The following RALY variants were observed in gnomAD, a reference collection of about 807,000 sequenced individuals.
RALY encodes the protein RNA-binding protein Raly.
In RALY, 15 loss-of-function variants were observed where a neutral mutation model predicts 30.7. That is an observed-to-expected ratio of 0.49 (90% CI 0.33 to 0.75). RALY has a LOEUF of 0.75. Ranked by LOEUF, RALY falls within the 30% of genes least tolerant of loss-of-function variation. The pLI is 0.02. For synonymous variants in RALY, 177 were observed against 170.8 expected, an observed-to-expected ratio of 1.04 and a Z score of -0.28; for missense variants, 339 against 414.3, an observed-to-expected ratio of 0.82 and a Z score of 1.58.
At chr20:34,026,028 A>ATAC (rs1417322828) in intron 1 of RALY, among the ~76,000 whole-genome samples, 1 of 151,178 alleles carries the variant, frequency 6.6e-6, no homozygotes, top group African/African-American at 2.4e-5. Context: ...AAGGAACGAT[A>ATAC]TACTCCCAAG....
intron 2 of RALY, among the ~76,000 whole-genome samples, chr20:34,058,737 T>C (rs1254949149): frequency 6.6e-6 from 1 of 152,238 alleles, no homozygotes; most frequent in African/African-American, 2.4e-5. Context: ...GTGCTGATCC[T>C]GGATTTAAAC....
intron 5 of RALY, 110 bp from the exon 6 acceptor site, chr20:34,075,764 G>A (rs1467489062): frequency 2.4e-6 from 3 of 1,250,996 alleles, no homozygotes; most frequent in Non-Finnish European, 2.2e-6. Context: ...GAGGTGTGTA[G>A]TGCAGGCCTC....
At chr20:34,024,234 G>T (rs928520126) in intron 1 of RALY, among the ~76,000 whole-genome samples, 1 of 152,162 alleles carries the variant, frequency 6.6e-6, no homozygotes, top group Non-Finnish European at 1.5e-5. Flanking sequence ...GCAGTGTCTG[G>T]TCGGAGCTTT....
At chr20:34,024,371 T>TA (rs1351515080) in intron 1 of RALY, among the ~76,000 whole-genome samples, 7 of 152,194 alleles carry the variant, frequency 4.6e-5, no homozygotes, top group Non-Finnish European at 1.0e-4. Flanking sequence ...CCTCCCTTGA[T>TA]AATTCCTGCA....
rs560352895 is a variant in RALY at position 34,006,931 on chromosome 20, G to T, written c.-93+12800G>T. ...CCCCCATTATTTGTTGAAGAAGCTG[G>T]ATGTTTTTTTCTATAGATTTTTCCA... is the stretch of plus-strand genomic sequence containing the variant. On this transcript the variant is annotated intron_variant, in intron 1 of 9. Coordinates refer to ENST00000246194, the MANE Select transcript of RALY (RefSeq NM_016732.3). 2.6e-5 allele frequency among the ~76,000 whole-genome samples: 4 copies of T among 152,204 alleles called. No homozygotes were observed. In the South Asian group the frequency reaches 8.3e-4, roughly 32 times the overall value.
At chr20:34,034,836 G>A (rs1260334532) in intron 2 of RALY, among the ~76,000 whole-genome samples, 1 of 152,140 alleles carries the variant, frequency 6.6e-6, no homozygotes, top group African/African-American at 2.4e-5. Flanking sequence ...GACTGAAAGG[G>A]GAGGGGTGAA....
At chr20:34,077,405 C>G in intron 8 of RALY, 160 bp downstream of exon 8, 1 of 1,479,088 alleles carries the variant, frequency 6.8e-7, no homozygotes. Context: ...GAAGAATGAG[C>G]AGGGGGCACT....
intron 1 of RALY, among the ~76,000 whole-genome samples, chr20:34,009,863 A>G (rs994478000): frequency 2.0e-5 from 3 of 152,078 alleles, no homozygotes; most frequent in Admixed American, 1.3e-4. Flanking sequence ...TTTTTTGGGA[A>G]ACACTTGGTC....
chr20:34,041,984 A>G (rs150103428), intron 2 of RALY, among the ~76,000 whole-genome samples: 1 of 152,258 alleles, frequency 6.6e-6, no homozygotes, highest in East Asian at 1.9e-4. Context: ...ATGGGTCTGT[A>G]ATCCCAGCTA....
intron 1 of RALY, among the ~76,000 whole-genome samples, chr20:34,016,012 T>C (rs2031594850): frequency 6.6e-6 from 1 of 152,154 alleles, no homozygotes; most frequent in Admixed American, 6.5e-5. Flanking sequence ...CCCAGAATTG[T>C]GTGTGCTACC....
chr20:34,002,328 C>T (rs1014993610), intron 1 of RALY, among the ~76,000 whole-genome samples: 7 of 152,274 alleles, frequency 4.6e-5, no homozygotes, highest in Non-Finnish European at 1.0e-4. Flanking sequence ...ATTATTTATG[C>T]TTGGGAGTCC....
chr20:34,025,899 G>GTTT (rs35827160), intron 1 of RALY, among the ~76,000 whole-genome samples: 2,253 of 75,452 alleles, frequency 0.03, 58 homozygotes, highest in East Asian at 0.049. Context: ...ATTCCTGGTT[G>GTTT]TTTTTTTTTT....
intron 1 of RALY, among the ~76,000 whole-genome samples, chr20:33,995,125 G>A (rs957602793): frequency 5.9e-5 from 9 of 152,206 alleles, no homozygotes; most frequent in Non-Finnish European, 1.2e-4. Flanking sequence ...GGTTTTCCCT[G>A]ACTTCTGGGC....
intron 1 of RALY, among the ~76,000 whole-genome samples, chr20:34,004,815 C>T (rs891711076): frequency 6.6e-6 from 1 of 152,146 alleles, no homozygotes; most frequent in African/African-American, 2.4e-5. Flanking sequence ...CTTAGTCTCT[C>T]AGAGCTCATC....
chr20:34,014,165 A>G (rs1175184205), intron 1 of RALY, among the ~76,000 whole-genome samples: 3 of 152,164 alleles, frequency 2.0e-5, no homozygotes, highest in Non-Finnish European at 4.4e-5. Flanking sequence ...GATCTTGGGA[A>G]CGTGGATCTT....
intron 2 of RALY, among the ~76,000 whole-genome samples, chr20:34,059,676 G>C (rs891444768): frequency 6.6e-6 from 1 of 152,154 alleles, no homozygotes; most frequent in Non-Finnish European, 1.5e-5. Context: ...TTTTAACTTA[G>C]AGCTATGCCT....
At chr20:34,011,892 C>G (rs904964466) in intron 1 of RALY, among the ~76,000 whole-genome samples, 1 of 152,012 alleles carries the variant, frequency 6.6e-6, no homozygotes, top group African/African-American at 2.4e-5. Flanking sequence ...ATGATGAAAC[C>G]CCATCTCTAC....
At chr20:33,999,205 A>G (rs2030793795) in intron 1 of RALY, among the ~76,000 whole-genome samples, 1 of 151,766 alleles carries the variant, frequency 6.6e-6, no homozygotes, top group Non-Finnish European at 1.5e-5. Context: ...GTAAGGAAGG[A>G]ATCGGGATGA....
intron 1 of RALY, among the ~76,000 whole-genome samples, chr20:34,008,348 G>A (rs2031254506): frequency 6.6e-6 from 1 of 152,144 alleles, no homozygotes; most frequent in Non-Finnish European, 1.5e-5. Context: ...CTGCATCAGG[G>A]GAGAACATAT....
Sources: gnomAD v4.1 joint callset for allele counts (sites outside exome capture counted in the v4.1 genomes callset) on GRCh38, gnomAD v4.1.1 for gene constraint, MANE v1.5 for transcripts, NCBI Gene and HGNC (gene_info 2026-07-23, HGNC 2026-07-21) for gene names.